NRG1: variants seen among roughly 807,000 people sequenced by gnomAD.
NRG1 encodes the protein pro-neuregulin-1, membrane-bound isoform.
NRG1 carries 18 observed loss-of-function variants against 63.8 expected under a neutral mutation model. The observed-to-expected ratio is 0.28, with a 90% CI of 0.19 to 0.42. NRG1 has a LOEUF of 0.42. Among genes scored for constraint, NRG1 ranks in the 10% least tolerant of loss-of-function variants. The probability of loss-of-function intolerance (pLI) is 1.00; values close to 1 mark genes in which losing one functional copy is unlikely to be tolerated. For missense variants in NRG1, 762 were observed against 814.7 expected (o/e 0.94, Z 0.79); for synonymous variants, 302 against 301.3 (o/e 1.00, Z -0.02).
chr8:32,497,446 CAA>C (rs34243536), intron 1 of NRG1, among the ~76,000 whole-genome samples: 2,493 of 119,482 alleles, frequency 0.021, 48 homozygotes, highest in African/African-American at 0.053. Flanking sequence ...GATTTTGTAT[CAA>C]AAAAAAAAAA....
chr8:32,317,973 T>C (rs1313594025), intron 1 of NRG1, among the ~76,000 whole-genome samples: 1 of 152,134 alleles, frequency 6.6e-6, no homozygotes, highest in Non-Finnish European at 1.5e-5. Context: ...GCCACTTGCT[T>C]TTCCCAAAAT....
intron 5 of NRG1, among the ~76,000 whole-genome samples, chr8:32,704,907 C>A (rs915850140): frequency 6.6e-6 from 1 of 152,100 alleles, no homozygotes; most frequent in Admixed American, 6.6e-5. Context: ...GACAAACATG[C>A]CATTAGTGCC....
intron 1 of NRG1, among the ~76,000 whole-genome samples, chr8:32,564,005 G>A (rs1160164945): frequency 1.3e-5 from 2 of 152,062 alleles, no homozygotes; most frequent in African/African-American, 4.8e-5. Flanking sequence ...TCTTAGACAA[G>A]CAGCAGACTG....
chr8:32,267,829 C>T (rs1291106638), intron 1 of NRG1, among the ~76,000 whole-genome samples: 4 of 152,172 alleles, frequency 2.6e-5, no homozygotes, highest in Admixed American at 6.5e-5. Flanking sequence ...AGAAAACCAT[C>T]GTGCATTTTC....
chr8:31,664,973 T>C (rs1281277833), intron 1 of NRG1, among the ~76,000 whole-genome samples: 3 of 152,140 alleles, frequency 2.0e-5, no homozygotes, highest in Non-Finnish European at 4.4e-5. Context: ...GAACAGGTCA[T>C]AGATAAATGA....
rs1430345753 is a variant in NRG1 at position 31,779,984 on chromosome 8, A to G, written c.37+140553A>G. ...CATAAACAAGAACCAACGAGAATAC[A>G]TCAGTGCCAGAATGATACAGACATA... On this transcript the variant is annotated intron_variant, in intron 1 of 10. Transcript: ENST00000519301. Among the ~76,000 whole-genome samples, 5 of 152,358 alleles carry G rather than the reference A, an allele frequency of 3.3e-5. No homozygotes were observed. The South Asian group carries it at 6.2e-4, about 19-fold the overall frequency.
intron 1 of NRG1, among the ~76,000 whole-genome samples, chr8:31,820,275 AC>A (rs1823879436): frequency 6.6e-6 from 1 of 152,144 alleles, no homozygotes; most frequent in African/African-American, 2.4e-5. Context: ...GAATTATGAA[AC>A]TTGGAGCTTA....
intron 1 of NRG1, among the ~76,000 whole-genome samples, chr8:32,558,476 T>C (rs1482469465): frequency 1.3e-5 from 2 of 152,114 alleles, no homozygotes; most frequent in African/African-American, 4.8e-5. Flanking sequence ...ATCCTGCTGC[T>C]CTGCCCTGAG....
At chr8:32,394,120 G>A (rs1322297645) in intron 1 of NRG1, among the ~76,000 whole-genome samples, 1 of 152,064 alleles carries the variant, frequency 6.6e-6, no homozygotes, top group Non-Finnish European at 1.5e-5. Flanking sequence ...GTAACACAGT[G>A]AGCACTTAAT....
At chr8:32,760,389 C>T in exon 11 of NRG1, 2 of 1,613,872 alleles carry the variant, frequency 1.2e-6, no homozygotes, top group African/African-American at 1.3e-5. Flanking sequence ...CCTACCGAGA[C>T]TCTCCTCATA....
chr8:31,773,525 T>C (rs144673143), intron 1 of NRG1, among the ~76,000 whole-genome samples: 3 of 152,332 alleles, frequency 2.0e-5, no homozygotes, highest in Non-Finnish European at 4.4e-5. Context: ...ATTGACTTCC[T>C]AACTAGGTTC....
chr8:31,942,243 C>A (rs1189364883), intron 1 of NRG1, among the ~76,000 whole-genome samples: 7 of 152,136 alleles, frequency 4.6e-5, no homozygotes, highest in Admixed American at 4.6e-4. Context: ...CAAATACTTA[C>A]AGCCCACTGA....
At chr8:32,668,905 T>A (rs1220107896) in intron 5 of NRG1, among the ~76,000 whole-genome samples, 1 of 152,222 alleles carries the variant, frequency 6.6e-6, no homozygotes, top group East Asian at 1.9e-4. Context: ...TATCATTTAG[T>A]AACGGATTTT....
chr8:32,165,717 G>A (rs777982019), intron 1 of NRG1, among the ~76,000 whole-genome samples: 1 of 152,054 alleles, frequency 6.6e-6, no homozygotes, highest in African/African-American at 2.4e-5. Context: ...AGCTGTGTGA[G>A]GGCATTGTTT....
At chr8:31,729,064 G>C (rs1163540410) in intron 1 of NRG1, among the ~76,000 whole-genome samples, 4 of 152,008 alleles carry the variant, frequency 2.6e-5, no homozygotes, top group Admixed American at 2.6e-4. Context: ...AGTAATAAAA[G>C]CTTATTTTTG....
At chr8:31,771,383 G>A (rs2131573150) in intron 1 of NRG1, among the ~76,000 whole-genome samples, 1 of 152,238 alleles carries the variant, frequency 6.6e-6, no homozygotes, top group South Asian at 2.1e-4. Flanking sequence ...GTGTGTTGAA[G>A]GGCATTTGGG....
intron 1 of NRG1, among the ~76,000 whole-genome samples, chr8:32,226,260 G>A (rs1388247371): frequency 1.3e-5 from 2 of 152,056 alleles, no homozygotes; most frequent in African/African-American, 4.8e-5. Flanking sequence ...ACTAGTTAAA[G>A]CTATTTTTTC....
intron 5 of NRG1, among the ~76,000 whole-genome samples, chr8:32,682,776 G>A (rs1809025977): frequency 6.6e-6 from 1 of 152,090 alleles, no homozygotes; most frequent in Non-Finnish European, 1.5e-5. Flanking sequence ...GAAAACTTAT[G>A]TTGTCTTTTA....
Position 31,640,698 on chromosome 8 carries a change from G to A in NRG1, c.37+1267G>A. 6.2e-7 allele frequency: 1 copy of A among 1,604,790 alleles called. No individual in the cohort carries two copies. The highest frequency in any genetic ancestry group is 8.5e-7 in the Non-Finnish European group (1 of 1,176,598). Reference sequence around the variant, plus strand: ...TGGAGACGGGCCGGAACCTCAAGAAGGAGGTCAGCCGGGTGCTGTGCAAGC... The same window carrying A: ...TGGAGACGGGCCGGAACCTCAAGAAAGAGGTCAGCCGGGTGCTGTGCAAGC... On this transcript the variant is annotated intron_variant, in intron 1 of 10. Coordinates refer to the NRG1 transcript ENST00000519301. This position sits in a 1 kb window ranked among gnomAD's most constrained non-coding sequence, Gnocchi z 6.3.
Sources: gnomAD v4.1 joint callset for allele counts (sites outside exome capture counted in the v4.1 genomes callset) on GRCh38, gnomAD v4.1.1 for gene constraint, Gnocchi (gnomAD v3.1) non-coding constraint, MANE v1.5 for transcripts, NCBI Gene and HGNC (gene_info 2026-07-23, HGNC 2026-07-21) for gene names.